ASRGL1: variants seen among roughly 807,000 people sequenced by gnomAD.
ASRGL1 encodes the protein isoaspartyl peptidase/L-asparaginase.
Under a neutral mutation model 22.4 loss-of-function variants are expected in ASRGL1, and 16 were observed. The observed-to-expected ratio is 0.71, with a 90% CI of 0.48 to 1.08. The LOEUF is 1.08. Among genes scored for constraint, ASRGL1 ranks in the 50% least tolerant of loss-of-function variants. The pLI is 0.00. For synonymous variants in ASRGL1, 165 were observed against 159.3 expected (o/e 1.04, Z -0.27); for missense variants, 412 against 410.1 (o/e 1.00, Z -0.04).
chr11:62,344,513 G>C (rs1352484542), intron 2 of ASRGL1, among the ~76,000 whole-genome samples: 4 of 150,506 alleles, frequency 2.7e-5, no homozygotes, highest in Admixed American at 6.6e-5. Context: ...TTCTTGTGTT[G>C]TCTTCTAGAA....
intron 4 of ASRGL1, among the ~76,000 whole-genome samples, chr11:62,383,423 GA>G (rs1947121338): frequency 6.6e-6 from 1 of 150,582 alleles, no homozygotes; most frequent in Non-Finnish European, 1.5e-5. Flanking sequence ...CTAAAACGGT[GA>G]AACCCCGTCT....
intron 4 of ASRGL1, among the ~76,000 whole-genome samples, chr11:62,358,560 T>C (rs948338180): frequency 1.3e-5 from 2 of 152,228 alleles, no homozygotes; most frequent in African/African-American, 2.4e-5. Flanking sequence ...CAGCCACTGC[T>C]GCTTTACACG....
chr11:62,386,339 AAG>A lies in ASRGL1; in HGVS notation c.492-2790_492-2789del, dbSNP rs111875956. On this transcript the variant is annotated intron_variant, in intron 4 of 6. Transcript: ENST00000415229. ...TCAACTGCGGTCTGATGTTTTGAGA[AAG>A]AGACCACATTCACATAACTTTTACT... Among the ~76,000 whole-genome samples, 782 of 133,576 alleles carry A rather than the reference AAG, an allele frequency of 5.9e-3. 2 individuals carry two copies. The highest frequency in any genetic ancestry group is 0.016 in the African/African-American group (620 of 39,522). 87.6% of individuals were successfully genotyped at this position (133,576 alleles called of 152,430 possible). A position where few individuals can be genotyped will look rare whatever the true frequency, so the allele number is the denominator to read the frequency against.
chr11:62,394,895 C>A (rs1249147764), downstream of ASRGL1, among the ~76,000 whole-genome samples: 1 of 152,176 alleles, frequency 6.6e-6, no homozygotes, highest in African/African-American at 2.4e-5. Flanking sequence ...ACAGTTCTTG[C>A]TTTTGCCCCA....
intron 4 of ASRGL1, chr11:62,371,265 C>A: frequency 1.5e-6 from 2 of 1,351,446 alleles, no homozygotes; most frequent in Non-Finnish European, 1.9e-6. Flanking sequence ...GCTGCAGTAG[C>A]AGCAGTGGTG....
At chr11:62,343,127 C>T (rs1366046999) in intron 2 of ASRGL1, among the ~76,000 whole-genome samples, 1 of 152,116 alleles carries the variant, frequency 6.6e-6, no homozygotes, top group Non-Finnish European at 1.5e-5. Flanking sequence ...CCTATAATCC[C>T]AGCACTTTGG....
intron 2 of ASRGL1, among the ~76,000 whole-genome samples, chr11:62,353,131 G>C (rs909657637): frequency 6.6e-6 from 1 of 152,026 alleles, no homozygotes; most frequent in Non-Finnish European, 1.5e-5. Flanking sequence ...TCCAGGCCCT[G>C]TTCTGTTGTT....
At chr11:62,384,012 ATG>A (rs199693523) in intron 4 of ASRGL1, among the ~76,000 whole-genome samples, 2 of 150,638 alleles carry the variant, frequency 1.3e-5, no homozygotes, top group African/African-American at 4.9e-5. Flanking sequence ...GTGTGTGTGC[ATG>A]TGTGTGTGTG....
At chr11:62,391,435 A>G in intron 5 of ASRGL1, 87 bp from the exon 6 acceptor site, 2 of 1,494,768 alleles carry the variant, frequency 1.3e-6, no homozygotes, top group Non-Finnish European at 1.8e-6. Flanking sequence ...ACCCTTCGCG[A>G]TTTAACTTTC....
chr11:62,392,084 A>G lies in ASRGL1; in HGVS notation c.727A>G (p.Thr243Ala). 2 of 1,614,142 alleles carry G rather than the reference A, an allele frequency of 1.2e-6. No homozygotes were observed. The highest frequency in any genetic ancestry group is 8.5e-7 in the Non-Finnish European group (1 of 1,179,988). The change falls in exon 7 of 7, where the codon ACG becomes GCG. Residue 243 changes from threonine (T) to alanine (A), a missense_variant. Physicochemically the swap from Thr to Ala is moderately conservative, Grantham distance 58. Transcript: ENST00000415229. ...LTLFHIEQGK[T>A]VEEAADLSLG... The stretch of plus-strand genomic sequence containing the variant: ...CAACCCTTCCTTGTTTTCAGGAAAG[A>G]CGGTAGAAGAGGCTGCGGACCTATC...
chr11:62,370,395 G>A (rs1946732055), intron 4 of ASRGL1, among the ~76,000 whole-genome samples: 1 of 152,158 alleles, frequency 6.6e-6, no homozygotes, highest in Admixed American at 6.5e-5. Flanking sequence ...AATTTAGGTC[G>A]ATAGTATAAA....
At position 62,392,127 on chromosome 11, in the gene ASRGL1, C is replaced by G; in HGVS notation, c.770C>G (p.Ser257Ter). 2 of 1,614,144 alleles carry G rather than the reference C, an allele frequency of 1.2e-6. No homozygotes were observed. Residue 257 changes from serine (S) to a stop codon, truncating the protein, a stop_gained, in exon 7 of 7, where the codon TCA (serine) becomes TGA (stop). Coordinates refer to ENST00000415229, the MANE Select transcript of ASRGL1 (RefSeq NM_001083926.2). LOFTEE classifies it low-confidence loss of function (END_TRUNC). Reference protein sequence around the residue: ...AADLSLGYMKSRVKGLGGLIV... With the variant: ...AADLSLGYMK ...GACCTATCGTTGGGTTATATGAAGT[C>G]AAGGGTTAAAGGTTTAGGTGGCCTC...
At chr11:62,365,607 T>A (rs933773008) in intron 4 of ASRGL1, among the ~76,000 whole-genome samples, 16 of 151,864 alleles carry the variant, frequency 1.1e-4, no homozygotes, top group African/African-American at 3.9e-4. Context: ...CCCAGCACTT[T>A]GGGAGGCCAA....
At chr11:62,367,231 G>A (rs1306416123) in intron 4 of ASRGL1, among the ~76,000 whole-genome samples, 4 of 152,034 alleles carry the variant, frequency 2.6e-5, no homozygotes, top group South Asian at 4.2e-4. Context: ...CCAGCTGCTC[G>A]GGAGGCTGAG....
At chr11:62,396,570 C>G (rs925118231), downstream of ASRGL1, among the ~76,000 whole-genome samples, 8 of 152,208 alleles carry the variant, frequency 5.3e-5, no homozygotes, top group African/African-American at 1.9e-4. Flanking sequence ...CGGCTCTCAC[C>G]CCTAAGCTGC....
chr11:62,391,405 A>C (rs1347762230), intron 5 of ASRGL1, 117 bp from the exon 6 acceptor site: 8 of 1,406,006 alleles, frequency 5.7e-6, no homozygotes, highest in Non-Finnish European at 7.6e-6. Flanking sequence ...TACTAACCTG[A>C]CCTTTGTCGG....
intron 2 of ASRGL1, among the ~76,000 whole-genome samples, chr11:62,341,196 ATTTT>A (rs577020969): frequency 7.4e-6 from 1 of 135,362 alleles, no homozygotes. Flanking sequence ...AGATAACAGG[ATTTT>A]TTTTTTTTTT....
At position 62,393,219 on chromosome 11, in the gene ASRGL1, TGTG is replaced by T. The variant is rs1157029078; in HGVS notation, c.*938_*940del. 2.6e-5 allele frequency: 4 copies of T among 152,264 alleles called. No homozygotes were observed. Among genetic ancestry groups the T allele is most frequent in the African/African-American group, 9.7e-5 (4 of 41,430 alleles). The allele number at this position is 152,264 out of a possible 1,614,324, so 9.4% of individuals were successfully genotyped here. A position where few individuals can be genotyped will look rare whatever the true frequency, so the allele number is the denominator to read the frequency against. The stretch of plus-strand genomic sequence containing the variant: ...ACCAGCCGGATCGGGCGCTGTGCAG[TGTG>T]GTCAGCATGGTGAAGAAAGTCATTT... On this transcript the variant is annotated 3_prime_UTR_variant, in exon 7 of 7. Transcript: ENST00000415229.
At chr11:62,382,762 C>G (rs1197670334) in intron 4 of ASRGL1, 2 of 152,290 alleles carry the variant, frequency 1.3e-5, no homozygotes, top group Non-Finnish European at 2.9e-5. Context: ...AAACCTTGGA[C>G]AATACCTGGC....
Sources: allele counts gnomAD v4.1 joint callset (sites outside exome capture counted in the v4.1 genomes callset), GRCh38; gene constraint gnomAD v4.1.1; transcripts MANE v1.5; gene names NCBI Gene and HGNC (gene_info 2026-07-23, HGNC 2026-07-21).